TRAK1: variants seen among roughly 807,000 people sequenced by gnomAD.
TRAK1 encodes trafficking kinesin protein 1.
Under a neutral mutation model 92.1 loss-of-function variants are expected in TRAK1, and 33 were observed. The ratio of observed to expected loss-of-function variants is 0.36; its 90% CI spans 0.27 to 0.48. The LOEUF (loss-of-function observed/expected upper bound fraction) is 0.48. TRAK1 is among the 20% of genes least tolerant of loss of function. The probability of loss-of-function intolerance (pLI) is 0.99; values close to 1 mark genes in which losing one functional copy is unlikely to be tolerated. For synonymous variants in TRAK1, 521 were observed against 517.3 expected (o/e 1.01, Z -0.10); for missense variants, 1,123 against 1,257.9 (o/e 0.89, Z 1.62).
At chr3:42,133,027 C>T (rs1308267997) in intron 2 of TRAK1, among the ~76,000 whole-genome samples, 1 of 152,222 alleles carries the variant, frequency 6.6e-6, no homozygotes, top group African/African-American at 2.4e-5. Flanking sequence ...TGGCTGCTGC[C>T]ACCCTTGATG....
intron 2 of TRAK1, among the ~76,000 whole-genome samples, chr3:42,127,590 G>A (rs1026514381): frequency 1.3e-5 from 2 of 151,964 alleles, no homozygotes; most frequent in Non-Finnish European, 2.9e-5. Context: ...CAAACTCCAG[G>A]CCTCAAACAA....
At chr3:42,123,332 C>T (rs148022482) in intron 1 of TRAK1, among the ~76,000 whole-genome samples, 2 of 152,356 alleles carry the variant, frequency 1.3e-5, no homozygotes, top group African/African-American at 4.8e-5. Context: ...TTTCTGCCTT[C>T]CTGCCTTCCT....
chr3:42,197,144 G>T (rs1482385564), intron 10 of TRAK1, among the ~76,000 whole-genome samples: 1 of 152,084 alleles, frequency 6.6e-6, no homozygotes, highest in East Asian at 1.9e-4. Flanking sequence ...ATTGCCAGAG[G>T]GGAGAGGGTC....
intron 1 of TRAK1, among the ~76,000 whole-genome samples, chr3:42,062,755 T>C (rs574298509): frequency 2.0e-5 from 3 of 152,344 alleles, no homozygotes; most frequent in African/African-American, 7.2e-5. Flanking sequence ...AATATAATTC[T>C]CATCAGTGAA....
chr3:42,100,527 T>C (rs1238579492), intron 1 of TRAK1, among the ~76,000 whole-genome samples: 1 of 152,220 alleles, frequency 6.6e-6, no homozygotes. Context: ...AAGTAGTTTT[T>C]GTAAGGGACG....
intron 1 of TRAK1, among the ~76,000 whole-genome samples, chr3:42,020,603 A>G (rs922090135): frequency 3.3e-5 from 5 of 152,210 alleles, no homozygotes; most frequent in African/African-American, 7.2e-5. Flanking sequence ...TAAAGCTGCT[A>G]TGAACTAAGT....
chr3:42,057,576 G>C (rs1703251217), intron 1 of TRAK1, among the ~76,000 whole-genome samples: 1 of 152,146 alleles, frequency 6.6e-6, no homozygotes, highest in Admixed American at 6.5e-5. Context: ...GGCCGATTGG[G>C]ATCAGAACAA....
Position 42,097,436 on chromosome 3 carries a change from C to T in TRAK1, c.91+5876C>T, listed in dbSNP as rs1012857309. Among the ~76,000 whole-genome samples, 9 of 152,164 alleles carry T rather than the reference C, an allele frequency of 5.9e-5. No individual in the cohort carries two copies. The South Asian group carries it at 1.9e-3, about 32-fold the overall frequency. ...GTGTGTGGGCGCTCACTGTCTGCAC[C>T]CCTGGTATGAGCACATTTGCTCTTT... On this transcript the variant is annotated intron_variant, in intron 1 of 15. Coordinates refer to ENST00000327628, the MANE Select transcript of TRAK1 (RefSeq NM_001042646.3).
At chr3:42,188,480 C>T (rs1198689336) in intron 5 of TRAK1, among the ~76,000 whole-genome samples, 1 of 152,120 alleles carries the variant, frequency 6.6e-6, no homozygotes, top group Non-Finnish European at 1.5e-5. Flanking sequence ...TGTGGCAGGT[C>T]CTTGGGACAG....
At chr3:42,094,956 C>G (rs567559665) in intron 1 of TRAK1, among the ~76,000 whole-genome samples, 116 of 152,268 alleles carry the variant, frequency 7.6e-4, no homozygotes, top group African/African-American at 2.6e-3. Context: ...CCTGTTTGCT[C>G]TATTCAGACC....
At chr3:42,024,029 A>G (rs1431668749) in intron 1 of TRAK1, among the ~76,000 whole-genome samples, 1 of 152,096 alleles carries the variant, frequency 6.6e-6, no homozygotes, top group Non-Finnish European at 1.5e-5. Flanking sequence ...TGCTGGGATT[A>G]CAGGCGTGAG....
chr3:42,193,749 T>G, intron 8 of TRAK1, 75 bp from the exon 9 acceptor site: 1 of 1,422,022 alleles, frequency 7.0e-7, no homozygotes, highest in Non-Finnish European at 9.9e-7. Flanking sequence ...TCATTACAGA[T>G]TAGGTTAATA....
At chr3:42,015,463 C>T (rs1359985751) in intron 1 of TRAK1, among the ~76,000 whole-genome samples, 2 of 152,072 alleles carry the variant, frequency 1.3e-5, no homozygotes, top group Non-Finnish European at 2.9e-5. Flanking sequence ...TCTCTGTGGT[C>T]TTGGAGTGGG....
chr3:42,212,276 C>T, intron 14 of TRAK1: 26 of 985,398 alleles, frequency 2.6e-5, no homozygotes, highest in Non-Finnish European at 3.0e-5. Flanking sequence ...GTCCTCTACG[C>T]TTGGGCTTTT....
chr3:42,199,086 T>TTAA, intron 10 of TRAK1, 91 bp from the exon 11 acceptor site: 1 of 1,370,942 alleles, frequency 7.3e-7, no homozygotes, highest in Non-Finnish European at 1.0e-6. Context: ...CTTGGTTTAC[T>TTAA]CTCCATGGCC....
intron 1 of TRAK1, among the ~76,000 whole-genome samples, chr3:42,056,369 T>C (rs748975699): frequency 9.9e-5 from 15 of 152,228 alleles, no homozygotes; most frequent in African/African-American, 2.7e-4. Flanking sequence ...TTTTTGATTA[T>C]AGAAATCCTT....
chr3:42,123,283 T>C lies in TRAK1; in HGVS notation c.92-2137T>C, dbSNP rs188067219. Among the ~76,000 whole-genome samples the C allele has an allele frequency of 1.2e-4, 19 of 152,378 alleles. No homozygotes were observed. The East Asian group carries it at 3.7e-3, about 29-fold the overall frequency. The stretch of plus-strand genomic sequence containing the variant: ...TCTTCTTCCAGGCAGAGGTGTTCCA[T>C]GTTCTACCTGAGTGTGTACAGGCCC... On this transcript the variant is annotated intron_variant, in intron 1 of 15. Coordinates refer to ENST00000327628, the MANE Select transcript of TRAK1 (RefSeq NM_001042646.3).
At chr3:42,080,154 G>A (rs1395451380) in intron 1 of TRAK1, among the ~76,000 whole-genome samples, 2 of 152,190 alleles carry the variant, frequency 1.3e-5, no homozygotes, top group African/African-American at 4.8e-5. Flanking sequence ...CATCGGTTGA[G>A]GGTAGCGGGG....
intron 13 of TRAK1, chr3:42,203,955 G>T (rs1708023415): frequency 1.0e-6 from 1 of 985,720 alleles, no homozygotes; most frequent in Non-Finnish European, 1.2e-6. Context: ...ATAAGGTAAG[G>T]TTGTGCTTGT....
Sources: gnomAD v4.1 joint callset for allele counts (sites outside exome capture counted in the v4.1 genomes callset) on GRCh38, gnomAD v4.1.1 for gene constraint, MANE v1.5 for transcripts, NCBI Gene and HGNC (gene_info 2026-07-23, HGNC 2026-07-21) for gene names.